Variants in TTLL5 observed in about 807,000 individuals in gnomAD.
The protein encoded by TTLL5 is tubulin polyglutamylase TTLL5.
In TTLL5, 132 loss-of-function variants were observed where a neutral mutation model predicts 168.4. That is an observed-to-expected ratio of 0.78 (90% CI 0.68 to 0.91). The LOEUF (loss-of-function observed/expected upper bound fraction) is 0.91. Among genes scored for constraint, TTLL5 ranks in the 40% least tolerant of loss-of-function variants. The probability of loss-of-function intolerance (pLI) is 0.00; values close to 1 mark genes in which losing one functional copy is unlikely to be tolerated. For missense variants in TTLL5, 1,545 were observed against 1,581.5 expected (o/e 0.98, Z 0.39); for synonymous variants, 546 against 558.6 (o/e 0.98, Z 0.32).
intron 20 of TTLL5, among the ~76,000 whole-genome samples, chr14:75,766,658 G>A (rs910979111): frequency 5.9e-5 from 9 of 152,134 alleles, no homozygotes; most frequent in South Asian, 4.2e-4. Flanking sequence ...GCAGCTCGTC[G>A]TTTAGTATCA....
chr14:75,811,156 AGTGTGTGTGTGT>A (rs148883248), intron 27 of TTLL5, among the ~76,000 whole-genome samples: 27 of 116,532 alleles, frequency 2.3e-4, no homozygotes, highest in African/African-American at 8.5e-4. Context: ...TGAAAGAAAG[AGTGTGTGTGTGT>A]GTGTGTGTGT....
Position 75,713,527 on chromosome 14 carries a change from G to A in TTLL5, c.741-4334G>A, listed in dbSNP as rs140038311. On this transcript the variant is annotated intron_variant, in intron 9 of 31. Transcript: ENST00000298832. The stretch of plus-strand genomic sequence containing the variant: ...ACGAATGGTTGTATGTGCAAACTTG[G>A]TCCTGGGGTACCTAGTAAATAGTGC... Among the ~76,000 whole-genome samples the A allele has an allele frequency of 3.8e-3, 579 of 152,304 alleles. 2 individuals are homozygous for A. Among genetic ancestry groups the A allele is most frequent in the Non-Finnish European group, 4.4e-3 (302 of 68,026 alleles).
At chr14:75,857,395 A>AGATAGATAGATG (rs1211035681) in intron 28 of TTLL5, among the ~76,000 whole-genome samples, 2 of 151,894 alleles carry the variant, frequency 1.3e-5, no homozygotes, top group African/African-American at 4.8e-5. Context: ...ATAGATAGAT[A>AGATAGATAGATG]GATAGATAGA....
At chr14:75,683,322 GTTAA>G (rs1045330908) in intron 4 of TTLL5, among the ~76,000 whole-genome samples, 1 of 152,216 alleles carries the variant, frequency 6.6e-6, no homozygotes, top group African/African-American at 2.4e-5. Context: ...CTATAGAAGG[GTTAA>G]TTTATTTTAG....
chr14:75,918,104 GAA>G (rs1296395289), intron 31 of TTLL5, among the ~76,000 whole-genome samples: 1 of 152,160 alleles, frequency 6.6e-6, no homozygotes, highest in East Asian at 1.9e-4. Context: ...GTTTCAGTGA[GAA>G]GAGGGGGAAG....
intron 30 of TTLL5, among the ~76,000 whole-genome samples, chr14:75,898,792 T>A (rs1051221228): frequency 2.0e-5 from 3 of 152,244 alleles, no homozygotes; most frequent in African/African-American, 7.2e-5. Context: ...TATTAAGAGA[T>A]AACCTGTCAA....
At position 75,783,503 on chromosome 14, in the gene TTLL5, C is replaced by T; in HGVS notation, c.2959C>T (p.Leu987=). 1 of 1,614,052 alleles carries T rather than the reference C, an allele frequency of 6.2e-7. No individual in the cohort carries two copies. The change falls in exon 26 of 32, where the codon CTG becomes TTG. Residue 987 remains leucine (L), a synonymous_variant. Coordinates refer to ENST00000298832, the MANE Select transcript of TTLL5 (RefSeq NM_015072.5). ...QSAAHIYSQK[L]SRPSSAKAGS... ...TGCTGCACACATCTATAGCCAGAAA[C>T]TGTCTCGTCCCTCTTCAGCAAAGGC...
chr14:75,893,850 C>CAAAATA (rs4025842), intron 30 of TTLL5, among the ~76,000 whole-genome samples: 127,191 of 142,664 alleles, frequency 0.89, 56,820 homozygotes, highest in African/African-American at 0.94. Context: ...ATAGTGAAGG[C>CAAAATA]AAAATAATTT....
In TTLL5 at chr14:75,914,033, A is replaced by AAAAAAAATATAT; in HGVS notation, c.3823+11810_3823+11811insAAAAAATATATA. ...GTTTAAAAGGAAAAAAAAAAAAAAA[A>AAAAAAAATATAT]ATATATATATATATATATATATTTT... On this transcript the variant is annotated intron_variant, in intron 31 of 31. Transcript: ENST00000298832. Among the ~76,000 whole-genome samples, 12 of 71,100 alleles carry AAAAAAAATATAT rather than the reference A, an allele frequency of 1.7e-4. 2 individuals are homozygous for AAAAAAAATATAT. The African/African-American group carries it at 1.7e-3, about 10-fold the overall frequency. 46.6% of individuals were successfully genotyped at this position (71,100 alleles called of 152,430 possible). A position where few individuals can be genotyped will look rare whatever the true frequency, so the allele number is the denominator to read the frequency against.
At chr14:75,764,815 C>T (rs754594242) in intron 19 of TTLL5, 43 bp downstream of exon 19, 1 of 1,608,822 alleles carries the variant, frequency 6.2e-7, no homozygotes, top group Non-Finnish European at 8.5e-7. Flanking sequence ...TATCTGGATC[C>T]TGCCAGACTG....
intron 31 of TTLL5, among the ~76,000 whole-genome samples, chr14:75,905,382 C>T (rs541405892): frequency 1.3e-5 from 2 of 152,304 alleles, no homozygotes; most frequent in Non-Finnish European, 1.5e-5. Context: ...GATAGTGATT[C>T]GTCCCAGGGC....
At chr14:75,673,374 G>T (rs1426425056) in intron 3 of TTLL5, among the ~76,000 whole-genome samples, 1 of 152,146 alleles carries the variant, frequency 6.6e-6, no homozygotes, top group Non-Finnish European at 1.5e-5. Flanking sequence ...AGTGCTCTGA[G>T]CCCTGGTGTT....
At chr14:75,841,423 G>A (rs1453615514) in intron 28 of TTLL5, among the ~76,000 whole-genome samples, 3 of 151,974 alleles carry the variant, frequency 2.0e-5, no homozygotes, top group South Asian at 2.1e-4. Context: ...GGTTAGATTC[G>A]TATTCACTGG....
intron 20 of TTLL5, among the ~76,000 whole-genome samples, 167 bp from the exon 21 acceptor site, chr14:75,771,567 A>G (rs1891321550): frequency 6.6e-6 from 1 of 152,220 alleles, no homozygotes; most frequent in Non-Finnish European, 1.5e-5. Context: ...AAAAACCTTC[A>G]TGTACTGCTT....
At chr14:75,760,327 A>C (rs1280536936) in intron 18 of TTLL5, among the ~76,000 whole-genome samples, 1 of 152,110 alleles carries the variant, frequency 6.6e-6, no homozygotes. Flanking sequence ...ATATTACTGA[A>C]AGAAATTAAA....
chr14:75,748,595 A>T (rs747245292), intron 17 of TTLL5, among the ~76,000 whole-genome samples: 1 of 152,186 alleles, frequency 6.6e-6, no homozygotes, highest in Non-Finnish European at 1.5e-5. Flanking sequence ...CTCATTTCAG[A>T]TCCGTTGCTG....
At chr14:75,755,678 C>T (rs150331305) in intron 18 of TTLL5, among the ~76,000 whole-genome samples, 5 of 152,052 alleles carry the variant, frequency 3.3e-5, no homozygotes, top group African/African-American at 4.8e-5. Flanking sequence ...GGCACACACA[C>T]GGAAACATGC....
At chr14:75,941,843 C>CTTTTTTTT (rs71122506) in intron 31 of TTLL5, among the ~76,000 whole-genome samples, 1 of 69,404 alleles carries the variant, frequency 1.4e-5, no homozygotes, top group Non-Finnish European at 2.6e-5. Flanking sequence ...TCATGATGAA[C>CTTTTTTTT]TTTTTTTTTT....
chr14:75,733,873 A>G (rs1049785463), intron 13 of TTLL5, 116 bp from the exon 14 acceptor site: 14 of 876,786 alleles, frequency 1.6e-5, no homozygotes, highest in Admixed American at 4.3e-5. Flanking sequence ...TATGGGCTTT[A>G]TGTGTTGCTC....
Sources: allele counts gnomAD v4.1 joint callset (sites outside exome capture counted in the v4.1 genomes callset), GRCh38; gene constraint gnomAD v4.1.1; transcripts MANE v1.5; gene names NCBI Gene and HGNC (gene_info 2026-07-23, HGNC 2026-07-21).